Variants in CYGB observed in about 807,000 individuals in gnomAD.
CYGB encodes the protein cytoglobin.
In CYGB, 13 loss-of-function variants were observed where a neutral mutation model predicts 20.7. That is an observed-to-expected ratio of 0.63 (90% CI 0.41 to 1.00). The LOEUF is 1.00. Ranked by LOEUF, CYGB falls within the 50% of genes least tolerant of loss-of-function variation. The pLI is 0.00. For synonymous variants in CYGB, 93 were observed against 107.4 expected (o/e 0.87, Z 0.83); for missense variants, 218 against 257.2 (o/e 0.85, Z 1.04).
At chr17:76,539,107 C>T (rs1051642239), upstream of CYGB, among the ~76,000 whole-genome samples, 2 of 152,082 alleles carry the variant, frequency 1.3e-5, no homozygotes, top group Non-Finnish European at 2.9e-5. Flanking sequence ...TCTAATGCCT[C>T]CTGGGGGTCT....
At chr17:76,542,657 G>C, upstream of CYGB, 2 of 1,471,480 alleles carry the variant, frequency 1.4e-6, no homozygotes, top group Non-Finnish European at 1.9e-6. Flanking sequence ...GGGAGCCGGG[G>C]AGGGCAGAGG....
chr17:76,534,807 G>A (rs1235089177), intron 1 of CYGB, among the ~76,000 whole-genome samples: 3 of 152,182 alleles, frequency 2.0e-5, no homozygotes, highest in African/African-American at 7.2e-5. Context: ...CCGGGTTGTG[G>A]CCCTGAGGAA....
chr17:76,540,178 A>G, upstream of CYGB: 1 of 1,553,876 alleles, frequency 6.4e-7, no homozygotes, highest in South Asian at 1.1e-5. The surrounding 1 kb of genome is among the most constrained non-coding windows in gnomAD (Gnocchi z 5.0). Context: ...CACCCTGGCC[A>G]TGCTCTGGCG....
At position 76,537,499 on chromosome 17, in the gene CYGB, C is replaced by G; in HGVS notation, c.44G>C (p.Arg15Pro). The G allele has an allele frequency of 1.3e-6, 2 of 1,579,554 alleles. No homozygotes were observed. The highest frequency in any genetic ancestry group is 1.7e-6 in the Non-Finnish European group (2 of 1,164,736). The change falls in exon 1 of 4, where the codon CGG (arginine) becomes CCG (proline). Residue 15 changes from arginine (R) to proline (P), a missense_variant. Arg to Pro is a moderately radical substitution (Grantham distance 103). Coordinates refer to ENST00000293230, the MANE Select transcript of CYGB (RefSeq NM_134268.5). ...PGEMEIERRERSEELSEAERK... is the reference protein window; with the variant it reads ...PGEMEIERREPSEELSEAERK... ...CTCCGCCTCGGACAGCTCCTCGCTCCGCTCCCTGCGCTCGATCTCCATCTC... is the reference window on the plus strand; with the variant it reads ...CTCCGCCTCGGACAGCTCCTCGCTCGGCTCCCTGCGCTCGATCTCCATCTC...
chr17:76,540,283 C>A, upstream of CYGB: 1 of 1,474,242 alleles, frequency 6.8e-7, no homozygotes, highest in Non-Finnish European at 9.3e-7. This position sits in a 1 kb window ranked among gnomAD's most constrained non-coding sequence, Gnocchi z 5.0. Flanking sequence ...GGGCTGCCAC[C>A]AAGCTGAAGG....
At chr17:76,545,731 A>G in intron 1 of CYGB, 1 of 246,506 alleles carries the variant, frequency 4.1e-6, no homozygotes, top group Non-Finnish European at 8.1e-6. Context: ...GGTTGATTAG[A>G]TAACGTGTGG....
At chr17:76,538,417 TCTCCTTCCGC>T (rs1598209517), upstream of CYGB, 1 of 438,638 alleles carries the variant, frequency 2.3e-6, no homozygotes, top group East Asian at 8.4e-5. Context: ...CTGCGCCCCC[TCTCCTTCCGC>T]CCAGCACCTC....
Position 76,527,987 on chromosome 17 carries a change from G to A in CYGB, c.*591C>T, listed in dbSNP as rs1017413398. The stretch of plus-strand genomic sequence containing the variant: ...GCCCCTCCAGGCCCAGGTCCTCTGC[G>A]CTGCTGTGGGATTTCCTCTTTGCCA... On this transcript the variant is annotated 3_prime_UTR_variant, in exon 4 of 4. Transcript: ENST00000293230. 2 of 361,388 alleles carry A rather than the reference G, an allele frequency of 5.5e-6. No individual in the cohort carries two copies. The highest frequency in any genetic ancestry group is 9.8e-4 in the Middle Eastern group (1 of 1,016). 22.4% of individuals were successfully genotyped at this position (361,388 alleles called of 1,614,324 possible).
chr17:76,545,769 C>G (rs928397247), intron 1 of CYGB: 2 of 226,016 alleles, frequency 8.8e-6, no homozygotes, highest in Non-Finnish European at 8.9e-6. Context: ...GGGTAAGTGT[C>G]CCATATATGT....
upstream of CYGB, among the ~76,000 whole-genome samples, chr17:76,539,335 GT>G (rs2074959539): frequency 1.3e-5 from 2 of 152,230 alleles, no homozygotes; most frequent in Non-Finnish European, 2.9e-5. Context: ...CTTTGCAAAT[GT>G]AATATAGTCG....
upstream of CYGB, chr17:76,540,100 C>G: frequency 6.3e-7 from 1 of 1,575,284 alleles, no homozygotes; most frequent in Non-Finnish European, 8.6e-7. This position sits in a 1 kb window ranked among gnomAD's most constrained non-coding sequence, Gnocchi z 5.0. Context: ...CGCCTGTGGC[C>G]TTCTGCAGAC....
intron 1 of CYGB, among the ~76,000 whole-genome samples, chr17:76,536,890 CG>C (rs1328743589): frequency 6.6e-6 from 1 of 152,168 alleles, no homozygotes; most frequent in Non-Finnish European, 1.5e-5. Flanking sequence ...CTGGACCCCC[CG>C]GGCTCTCCTC....
intron 1 of CYGB, chr17:76,544,623 C>T (rs780858428): frequency 2.2e-6 from 1 of 456,798 alleles, no homozygotes; most frequent in South Asian, 1.5e-5. Flanking sequence ...TCGCCTGTCT[C>T]AGCTCCTGTC....
chr17:76,537,312 G>T, intron 1 of CYGB, 88 bp downstream of exon 1: 1 of 1,373,464 alleles, frequency 7.3e-7, no homozygotes. Flanking sequence ...AGGTGGCGCT[G>T]GAGCTCGGAC....
In CYGB at chr17:76,528,558, G is replaced by A. The variant is rs1371964903; in HGVS notation, c.*20C>T. ...CTTCTGCTCGAGGTGCTGCCAGGGA[G>A]GGGGGTGGAGTTAGGGGTCCTACGG... On this transcript the variant is annotated 3_prime_UTR_variant, in exon 4 of 4. Coordinates refer to ENST00000293230, the MANE Select transcript of CYGB (RefSeq NM_134268.5). The surrounding 1 kb of genome is among the most constrained non-coding windows in gnomAD (Gnocchi z 5.8). 3.1e-6 allele frequency: 4 copies of A among 1,289,454 alleles called. No individual in the cohort carries two copies. The highest frequency in any genetic ancestry group is 2.9e-5 in the South Asian group (1 of 33,906). The allele number at this position is 1,289,454 out of a possible 1,614,324, so 79.9% of individuals were successfully genotyped here. A position where few individuals can be genotyped will look rare whatever the true frequency, so the allele number is the denominator to read the frequency against.
chr17:76,537,279 A>G, intron 1 of CYGB, 121 bp downstream of exon 1: 5 of 1,180,522 alleles, frequency 4.2e-6, no homozygotes, highest in Non-Finnish European at 5.5e-6. Flanking sequence ...CCGACCTCGG[A>G]CCGGCCCCAT....
chr17:76,543,186 C>A, intron 1 of CYGB: 1 of 446,588 alleles, frequency 2.2e-6, no homozygotes, highest in Non-Finnish European at 4.7e-6. Flanking sequence ...TGGGTGTGGG[C>A]TCCTGAGCAG....
At chr17:76,542,120 C>G (rs988110287), upstream of CYGB, among the ~76,000 whole-genome samples, 9 of 152,212 alleles carry the variant, frequency 5.9e-5, no homozygotes, top group South Asian at 1.4e-3. Flanking sequence ...TCCAGATCAT[C>G]TATCTCATTT....
chr17:76,540,229 C>A (rs200645008), upstream of CYGB: 6 of 780,146 alleles, frequency 7.7e-6, no homozygotes, highest in East Asian at 5.5e-5. The surrounding 1 kb of genome is among the most constrained non-coding windows in gnomAD (Gnocchi z 5.0). Context: ...AGAAACTGAC[C>A]GGGCTATGGC....
Sources: gnomAD v4.1 joint callset for allele counts (sites outside exome capture counted in the v4.1 genomes callset) on GRCh38, gnomAD v4.1.1 for gene constraint, Gnocchi (gnomAD v3.1) non-coding constraint, MANE v1.5 for transcripts, NCBI Gene and HGNC (gene_info 2026-07-23, HGNC 2026-07-21) for gene names.